THOC5: variants seen among roughly 807,000 people sequenced by gnomAD.
THOC5 encodes the protein Fms-interacting protein.
In THOC5, 43 loss-of-function variants were observed where a neutral mutation model predicts 92.9. The ratio of observed to expected loss-of-function variants is 0.46; its 90% confidence interval spans 0.36 to 0.60. THOC5 has a LOEUF of 0.60. Ranked by LOEUF, THOC5 falls within the 20% of genes least tolerant of loss-of-function variation. THOC5 has a pLI of 0.00. For synonymous variants in THOC5, 296 were observed against 320.1 expected, an observed-to-expected ratio of 0.92 and a Z score of 0.80; for missense variants, 659 against 849.4, an observed-to-expected ratio of 0.78 and a Z score of 2.79.
At chr22:29,519,358 C>T (rs1294996062) in intron 14 of THOC5, among the ~76,000 whole-genome samples, 1 of 152,232 alleles carries the variant, frequency 6.6e-6, no homozygotes, top group Non-Finnish European at 1.5e-5. Context: ...GAAAGGCAGG[C>T]TTCTGCTAAG....
chr22:29,526,336 T>A (rs1037937848), intron 11 of THOC5, among the ~76,000 whole-genome samples: 1 of 151,886 alleles, frequency 6.6e-6, no homozygotes, highest in African/African-American at 2.4e-5. Flanking sequence ...ATCGAGACCA[T>A]CCTGGCTAAC....
intron 7 of THOC5, among the ~76,000 whole-genome samples, chr22:29,532,743 C>T (rs11703050): frequency 4.0e-5 from 6 of 150,174 alleles, no homozygotes; most frequent in East Asian, 2.0e-4. Context: ...TTTGGGAGGC[C>T]GAGGCAGGTG....
chr22:29,528,759 A>G (rs751285994), intron 9 of THOC5, among the ~76,000 whole-genome samples: 6 of 152,152 alleles, frequency 3.9e-5, no homozygotes, highest in Non-Finnish European at 8.8e-5. Flanking sequence ...TAATAATAGT[A>G]ACACAAATAA....
chr22:29,522,873 C>T (rs893635614), intron 12 of THOC5, among the ~76,000 whole-genome samples: 2 of 152,042 alleles, frequency 1.3e-5, no homozygotes, highest in South Asian at 2.1e-4. Flanking sequence ...TGGTGGCACG[C>T]GCCTGTAGTC....
At position 29,546,003 on chromosome 22, in the gene THOC5, C is replaced by T. The variant is rs150749624; in HGVS notation, c.97-1400G>A. Among the ~76,000 whole-genome samples, 24 of 152,348 alleles carry T rather than the reference C, an allele frequency of 1.6e-4. No homozygotes were observed. In the East Asian group the frequency reaches 3.9e-3, roughly 24 times the overall value. On this transcript the variant is annotated intron_variant, in intron 2 of 19. Coordinates refer to ENST00000490103, the MANE Select transcript of THOC5 (RefSeq NM_003678.5). ...TTTTGCCTGGGCATCCAGGTGTTTCCGTACATCTTCTGAAATCCAGGCGGA... is the reference window on the plus strand; with the variant it reads ...TTTTGCCTGGGCATCCAGGTGTTTCTGTACATCTTCTGAAATCCAGGCGGA...
chr22:29,530,906 T>C (rs887033493), intron 8 of THOC5, among the ~76,000 whole-genome samples: 10 of 152,266 alleles, frequency 6.6e-5, no homozygotes, highest in South Asian at 6.2e-4. Context: ...CACTGCCTTA[T>C]CTATGGCAAC....
intron 18 of THOC5, 121 bp from the exon 19 acceptor site, chr22:29,511,417 G>A: frequency 9.5e-7 from 1 of 1,049,184 alleles, no homozygotes; most frequent in African/African-American, 1.6e-5. Flanking sequence ...CTGGGCCAGG[G>A]GCTAGGCCAT....
chr22:29,542,183 G>T (rs1450743264), intron 5 of THOC5, among the ~76,000 whole-genome samples: 1 of 151,916 alleles, frequency 6.6e-6, no homozygotes, highest in Non-Finnish European at 1.5e-5. Context: ...TGAACTGCTG[G>T]GACTACAGAA....
intron 12 of THOC5, 76 bp from the exon 13 acceptor site, chr22:29,521,175 T>C: frequency 9.2e-7 from 1 of 1,090,422 alleles, no homozygotes; most frequent in Non-Finnish European, 1.4e-6. Context: ...CATTTGGGGA[T>C]GGTAATGCCA....
rs889585927 is a variant in THOC5, at chr22:29,507,480, T to C, written c.*977A>G. ...GGGTTCAAGTAATTCTGCCTCAGCC[T>C]CCTGAGTAACTGGGACTACAGGCAT... On this transcript the variant is annotated 3_prime_UTR_variant, in exon 20 of 20. Coordinates refer to ENST00000490103, the MANE Select transcript of THOC5 (RefSeq NM_003678.5). 1.3e-5 allele frequency: 2 copies of C among 152,240 alleles called. No homozygotes were observed. Among genetic ancestry groups the C allele is most frequent in the African/African-American group, 4.8e-5 (2 of 41,466 alleles). 9.4% of individuals were successfully genotyped at this position (152,240 alleles called of 1,614,324 possible). A position where few individuals can be genotyped will look rare whatever the true frequency, so the allele number is the denominator to read the frequency against.
intron 6 of THOC5, among the ~76,000 whole-genome samples, chr22:29,537,397 T>C (rs2063780867): frequency 6.6e-6 from 1 of 152,188 alleles, no homozygotes; most frequent in Non-Finnish European, 1.5e-5. Flanking sequence ...TTCCAGCACT[T>C]TGGGAGGCCC....
At chr22:29,551,871 A>G (rs956033724) in intron 1 of THOC5, among the ~76,000 whole-genome samples, 6 of 133,478 alleles carry the variant, frequency 4.5e-5, no homozygotes, top group Admixed American at 9.3e-5. Context: ...ATCTCGGCTC[A>G]CTGGAACCTC....
intron 13 of THOC5, 117 bp from the exon 14 acceptor site, chr22:29,520,221 C>A: frequency 1.3e-6 from 1 of 799,062 alleles, no homozygotes; most frequent in South Asian, 2.0e-5. Flanking sequence ...CAGGTTTGGC[C>A]ATGTTCACAG....
Position 29,517,630 on chromosome 22 carries a change from A to G in THOC5, c.1490-264T>C, listed in dbSNP as rs113879603. ...TCTTTAATGCAAATGATAGCCTGCC[A>G]AAGAAAAACCCTTACAGTCAGAACT... On this transcript the variant is annotated intron_variant, in intron 15 of 19. Coordinates refer to ENST00000490103, the MANE Select transcript of THOC5 (RefSeq NM_003678.5). 8.4e-3 allele frequency among the ~76,000 whole-genome samples: 1,285 copies of G among 152,348 alleles called. 16 individuals are homozygous for G. The highest frequency in any genetic ancestry group is 0.027 in the African/African-American group (1,124 of 41,582).
Position 29,506,860 on chromosome 22 carries a change from ATTTC to A in THOC5, c.*1593_*1596del, listed in dbSNP as rs141834450. On this transcript the variant is annotated 3_prime_UTR_variant, in exon 20 of 20. Coordinates refer to ENST00000490103, the MANE Select transcript of THOC5 (RefSeq NM_003678.5). ...GACTCTGTGGGTCTATTATATGCAG[ATTTC>A]TTTTTTTAAAATTTTTTAGAGATAG... 0.059 allele frequency: 8,910 copies of A among 152,056 alleles called. 571 individuals carry two copies. The highest frequency in any genetic ancestry group is 0.15 in the African/African-American group (6,133 of 41,432). 9.4% of individuals were successfully genotyped at this position (152,056 alleles called of 1,614,324 possible).
At chr22:29,552,606 C>A (rs1218469862) in intron 1 of THOC5, among the ~76,000 whole-genome samples, 2 of 150,202 alleles carry the variant, frequency 1.3e-5, no homozygotes, top group East Asian at 4.0e-4. Flanking sequence ...CCAGCCGCCC[C>A]GTCGGGTCGG....
chr22:29,511,292 A>G lies in THOC5; in HGVS notation c.1802T>C (p.Met601Thr). Residue 601 changes from methionine (M) to threonine (T), a missense_variant, in exon 19 of 20, where the codon ATG becomes ACG. By Grantham distance (81) the Met-to-Thr change is moderately conservative (BLOSUM62 -1). Coordinates refer to ENST00000490103, the MANE Select transcript of THOC5 (RefSeq NM_003678.5). Reference protein sequence around the residue: ...TNSNDDNIRAMEGEVNVCYKE... With the variant: ...TNSNDDNIRATEGEVNVCYKE... ...GTAGCACACATTGACTTCGCCCTCC[A>G]TGGCCTGTGTGATAGGAAAGCCAGC... is the stretch of plus-strand genomic sequence containing the variant. The G allele has an allele frequency of 1.2e-6, 2 of 1,610,862 alleles. No individual in the cohort carries two copies. Among genetic ancestry groups the G allele is most frequent in the East Asian group, 2.2e-5 (1 of 44,816 alleles).
At chr22:29,537,553 C>T (rs1334075562) in intron 6 of THOC5, among the ~76,000 whole-genome samples, 2 of 151,688 alleles carry the variant, frequency 1.3e-5, no homozygotes, top group East Asian at 3.9e-4. Flanking sequence ...ACAGGAGAAT[C>T]GCTTAAACTG....
At chr22:29,528,618 T>A in intron 9 of THOC5, 152 bp from the exon 10 acceptor site, 1 of 774,070 alleles carries the variant, frequency 1.3e-6, no homozygotes, top group Non-Finnish European at 2.1e-6. Flanking sequence ...TGCTTCTTAT[T>A]CAGTATACAA....
Sources: allele counts gnomAD v4.1 joint callset (sites outside exome capture counted in the v4.1 genomes callset), GRCh38; gene constraint gnomAD v4.1.1; transcripts MANE v1.5; gene names NCBI Gene and HGNC (gene_info 2026-07-23, HGNC 2026-07-21).